Variants in TTC13 observed in about 807,000 individuals in gnomAD.
TTC13 encodes the protein tetratricopeptide repeat protein 13.
A neutral mutation model predicts 120.0 loss-of-function variants in TTC13; 62 were observed. The ratio of observed to expected loss-of-function variants is 0.52; its 90% CI spans 0.42 to 0.64. The LOEUF (loss-of-function observed/expected upper bound fraction) is 0.64. Ranked by LOEUF, TTC13 falls within the 30% of genes least tolerant of loss-of-function variation. The pLI is 0.00. For synonymous variants in TTC13, 384 were observed against 393.5 expected, an observed-to-expected ratio of 0.98 and a Z score of 0.28; for missense variants, 824 against 1,050.2, an observed-to-expected ratio of 0.78 and a Z score of 2.98.
chr1:230,909,885 T>C (rs1396945329), intron 20 of TTC13, among the ~76,000 whole-genome samples: 1 of 146,822 alleles, frequency 6.8e-6, no homozygotes, highest in African/African-American at 2.5e-5. Flanking sequence ...GAGCTGCGAG[T>C]GTGCAGGTCT....
At chr1:230,913,351 A>C (rs1206195456) in intron 18 of TTC13, among the ~76,000 whole-genome samples, 1 of 152,212 alleles carries the variant, frequency 6.6e-6, no homozygotes, top group African/African-American at 2.4e-5. Context: ...AGGAAGGAAG[A>C]AACGGGGCCA....
At chr1:230,967,744 G>A (rs1677271217) in intron 1 of TTC13, among the ~76,000 whole-genome samples, 1 of 152,036 alleles carries the variant, frequency 6.6e-6, no homozygotes, top group Admixed American at 6.6e-5. Flanking sequence ...ACTCACTATG[G>A]CTTTAATTAC....
chr1:230,916,698 T>C (rs904756297), intron 17 of TTC13, among the ~76,000 whole-genome samples: 4 of 152,208 alleles, frequency 2.6e-5, no homozygotes, highest in African/African-American at 9.7e-5. Context: ...CTTATGCTCA[T>C]ACTAGTGCTC....
At chr1:230,937,111 C>T (rs1159511880) in intron 8 of TTC13, among the ~76,000 whole-genome samples, 1 of 152,134 alleles carries the variant, frequency 6.6e-6, no homozygotes, top group African/African-American at 2.4e-5. Flanking sequence ...TTTTAATGCT[C>T]AAAATGAAAG....
At chr1:230,934,409 AC>A (rs1217995519) in intron 8 of TTC13, among the ~76,000 whole-genome samples, 4 of 152,170 alleles carry the variant, frequency 2.6e-5, no homozygotes, top group African/African-American at 9.7e-5. Flanking sequence ...ACAAAACAAA[AC>A]AAAAACCTTA....
intron 1 of TTC13, among the ~76,000 whole-genome samples, chr1:230,965,417 G>A (rs1677037130): frequency 6.6e-6 from 1 of 152,188 alleles, no homozygotes; most frequent in African/African-American, 2.4e-5. Context: ...AAACTACAAT[G>A]AGATATCATC....
chr1:230,967,780 A>C (rs1677275365), intron 1 of TTC13, among the ~76,000 whole-genome samples: 1 of 152,214 alleles, frequency 6.6e-6, no homozygotes, highest in Non-Finnish European at 1.5e-5. Context: ...GATTATATTA[A>C]AGGATAACTA....
In TTC13 at chr1:230,955,155, A is replaced by T. The variant is rs145800393; in HGVS notation, c.443-752T>A. On this transcript the variant is annotated intron_variant, in intron 3 of 22. Coordinates refer to ENST00000366661, the MANE Select transcript of TTC13 (RefSeq NM_024525.5). The stretch of plus-strand genomic sequence containing the variant: ...TGCTAGATTACATTGCCATCTATAA[A>T]ATTTGCCCTGACTGCTTGACCCTTA... 2.2e-3 allele frequency among the ~76,000 whole-genome samples: 332 copies of T among 152,252 alleles called. 3 individuals carry two copies. Among genetic ancestry groups the T allele is most frequent in the African/African-American group, 7.6e-3 (316 of 41,526 alleles).
intron 11 of TTC13, among the ~76,000 whole-genome samples, chr1:230,930,751 C>T (rs1285834697): frequency 6.6e-6 from 1 of 152,126 alleles, no homozygotes; most frequent in Non-Finnish European, 1.5e-5. Flanking sequence ...AACCCTGTCT[C>T]TACTAAGAAT....
At chr1:230,951,340 C>A (rs538482915) in intron 4 of TTC13, among the ~76,000 whole-genome samples, 2 of 151,822 alleles carry the variant, frequency 1.3e-5, no homozygotes, top group South Asian at 4.2e-4. Flanking sequence ...ATATTCCATG[C>A]TCTGCTGCTT....
At chr1:230,919,413 G>T (rs1672359408) in intron 17 of TTC13, among the ~76,000 whole-genome samples, 1 of 152,094 alleles carries the variant, frequency 6.6e-6, no homozygotes, top group South Asian at 2.1e-4. Flanking sequence ...TTTTATAACG[G>T]CATGAATCCA....
chr1:230,909,797 A>ATTGTGGGGTACC (rs1671313268), intron 20 of TTC13, among the ~76,000 whole-genome samples: 1 of 151,992 alleles, frequency 6.6e-6, no homozygotes, highest in Non-Finnish European at 1.5e-5. Flanking sequence ...AGGCCAGGGG[A>ATTGTGGGGTACC]TTGTGGGGTA....
intron 2 of TTC13, among the ~76,000 whole-genome samples, chr1:230,960,551 A>G (rs938918490): frequency 2.0e-5 from 3 of 151,796 alleles, no homozygotes; most frequent in Non-Finnish European, 4.4e-5. Flanking sequence ...AGTAGTTCTC[A>G]CATGAAAAGG....
At chr1:230,915,967 C>A (rs1300663513) in intron 18 of TTC13, among the ~76,000 whole-genome samples, 2 of 152,096 alleles carry the variant, frequency 1.3e-5, no homozygotes, top group Admixed American at 6.6e-5. Context: ...TACATAGTAT[C>A]TAGAAAGTCC....
chr1:230,975,285 G>A (rs976200387), intron 1 of TTC13, among the ~76,000 whole-genome samples: 2 of 151,920 alleles, frequency 1.3e-5, no homozygotes, highest in African/African-American at 2.4e-5. Flanking sequence ...GAGGCAGGAC[G>A]ATGGCTTCAA....
chr1:230,917,544 C>G (rs555836514), intron 17 of TTC13, among the ~76,000 whole-genome samples: 1 of 152,306 alleles, frequency 6.6e-6, no homozygotes, highest in Non-Finnish European at 1.5e-5. Context: ...GTTGTATATT[C>G]TGCTGTGTGT....
At chr1:230,916,474 C>T (rs529922744) in intron 17 of TTC13, among the ~76,000 whole-genome samples, 172 bp from the exon 18 acceptor site, 1 of 152,154 alleles carries the variant, frequency 6.6e-6, no homozygotes, top group South Asian at 2.1e-4. Flanking sequence ...GTCTTCAGGC[C>T]CCAACAGAGC....
chr1:230,916,286 G>A lies in TTC13; in HGVS notation c.2000C>T (p.Thr667Met), dbSNP rs201198964. The stretch of plus-strand genomic sequence containing the variant: ...TGTGTTCACGGTGAACCCATCCTTC[G>A]TTTTAGTATTAAACTGCTTTCAGGG... ...LPIMKQFNTK[T>M]KDGFTVNTKV... The change falls in exon 18 of 23, where the codon ACG becomes ATG. Residue 667 changes from threonine to methionine, a missense_variant. Thr to Met is a moderately conservative substitution (Grantham distance 81). Coordinates refer to ENST00000366661, the MANE Select transcript of TTC13 (RefSeq NM_024525.5). The A allele has an allele frequency of 1.8e-4, 286 of 1,613,616 alleles. 2 individuals carry two copies. The Admixed American group carries it at 2.5e-3, about 14-fold the overall frequency.
intron 1 of TTC13, among the ~76,000 whole-genome samples, chr1:230,974,551 A>G (rs1678079024): frequency 6.6e-6 from 1 of 152,230 alleles, no homozygotes; most frequent in Admixed American, 6.5e-5. Context: ...AGGCTATACC[A>G]TACAACCAAG....
Sources: gnomAD v4.1 joint callset for allele counts (sites outside exome capture counted in the v4.1 genomes callset) on GRCh38, gnomAD v4.1.1 for gene constraint, MANE v1.5 for transcripts, NCBI Gene and HGNC (gene_info 2026-07-23, HGNC 2026-07-21) for gene names.